The following NFKBIB variants were observed in gnomAD, a reference collection of about 807,000 sequenced individuals.
NFKBIB encodes the protein NFKB inhibitor beta.
A neutral mutation model predicts 32.1 loss-of-function variants in NFKBIB; 16 were observed. That is an observed-to-expected ratio of 0.50 (90% confidence interval 0.34 to 0.76). The LOEUF is 0.76. Among genes scored for constraint, NFKBIB ranks in the 30% least tolerant of loss-of-function variants. NFKBIB has a pLI of 0.01. For synonymous variants in NFKBIB, 222 were observed against 219.5 expected (o/e 1.01, Z -0.10); for missense variants, 437 against 514.9 (o/e 0.85, Z 1.46).
At chr19:38,899,853 C>A (rs893454259), upstream of NFKBIB, 6 of 740,620 alleles carry the variant, frequency 8.1e-6, no homozygotes, top group Admixed American at 1.7e-4. Flanking sequence ...GTAGTCCTCC[C>A]GAATACTCTG....
Position 38,905,685 on chromosome 19 carries a change from CAG to C in NFKBIB, c.619+151_619+152del. On this transcript the variant is annotated intron_variant, in intron 3 of 5. Coordinates refer to ENST00000313582, the MANE Select transcript of NFKBIB (RefSeq NM_002503.5). This position sits in a 1 kb window ranked among gnomAD's most constrained non-coding sequence, Gnocchi z 5.5. ...CACATCGGGACCAGGGACCTCCACT[CAG>C]GGCCCAGATGATTGAGAATTGGATA... The C allele has an allele frequency of 3.1e-6, 2 of 640,572 alleles. No individual in the cohort carries two copies. Among genetic ancestry groups the C allele is most frequent in the South Asian group, 4.0e-5 (2 of 49,830 alleles). 39.7% of individuals were successfully genotyped at this position (640,572 alleles called of 1,614,324 possible).
chr19:38,902,708 G>A (rs1035412251), intron 1 of NFKBIB, among the ~76,000 whole-genome samples: 2 of 152,190 alleles, frequency 1.3e-5, no homozygotes, highest in Non-Finnish European at 2.9e-5. Context: ...CTTTTGGAAC[G>A]CAAGCAAGCT....
intron 5 of NFKBIB, chr19:38,908,496 G>A (rs1305046339): frequency 8.4e-6 from 10 of 1,190,100 alleles, no homozygotes; most frequent in East Asian, 3.5e-5. Flanking sequence ...CCTAGATCAC[G>A]CCACTGCATT....
At chr19:38,900,469 A>T (rs1973914062) in intron 1 of NFKBIB, among the ~76,000 whole-genome samples, 1 of 152,166 alleles carries the variant, frequency 6.6e-6, no homozygotes, top group Non-Finnish European at 1.5e-5. Context: ...GTATCCACTG[A>T]TACCCAAACC....
chr19:38,904,006 G>T (rs1194604854), intron 1 of NFKBIB, among the ~76,000 whole-genome samples: 1 of 152,032 alleles, frequency 6.6e-6, no homozygotes, highest in Non-Finnish European at 1.5e-5. Flanking sequence ...GGAGGTGGAG[G>T]TTGCAGTGAG....
intron 5 of NFKBIB, 130 bp from the exon 6 acceptor site, chr19:38,908,601 G>C (rs184871548): frequency 7.2e-7 from 1 of 1,388,428 alleles, no homozygotes; most frequent in East Asian, 2.8e-5. Context: ...GAAACTGGGA[G>C]GTTGAGCCAG....
intron 5 of NFKBIB, 55 bp downstream of exon 5, chr19:38,907,714 AG>A: frequency 6.6e-7 from 1 of 1,509,484 alleles, no homozygotes; most frequent in East Asian, 2.4e-5. Context: ...ATAGACCGGC[AG>A]GCAAGAAGCC....
At chr19:38,902,361 C>T (rs925265991) in intron 1 of NFKBIB, among the ~76,000 whole-genome samples, 4 of 151,948 alleles carry the variant, frequency 2.6e-5, no homozygotes, top group African/African-American at 7.2e-5. Flanking sequence ...TGAGCCACCG[C>T]GCCCGGCCTC....
In NFKBIB at chr19:38,905,883, C is replaced by T. The variant is rs1448950562; in HGVS notation, c.619+348C>T. ...GGACCGGGGAATGCAGAGCTCAGGC[C>T]CTCTGTGAAACTCTGGCACCCCAGG... On this transcript the variant is annotated intron_variant, in intron 3 of 5. Transcript: ENST00000313582. The surrounding 1 kb of genome is among the most constrained non-coding windows in gnomAD (Gnocchi z 5.5). Among the ~76,000 whole-genome samples the T allele has an allele frequency of 1.3e-5, 2 of 152,130 alleles. No individual in the cohort carries two copies. The highest frequency in any genetic ancestry group is 3.9e-4 in the East Asian group (2 of 5,190).
At chr19:38,903,152 A>G (rs1974019336) in intron 1 of NFKBIB, among the ~76,000 whole-genome samples, 3 of 152,274 alleles carry the variant, frequency 2.0e-5, no homozygotes, top group African/African-American at 7.2e-5. Flanking sequence ...AGACTAAAAT[A>G]GTTATCTGGC....
intron 1 of NFKBIB, among the ~76,000 whole-genome samples, chr19:38,902,732 A>G (rs759443877): frequency 1.3e-5 from 2 of 152,224 alleles, no homozygotes; most frequent in Non-Finnish European, 2.9e-5. Flanking sequence ...TCATTTACAT[A>G]TTGTCAGTGG....
chr19:38,904,168 G>A (rs1317805079), intron 1 of NFKBIB, among the ~76,000 whole-genome samples: 1 of 152,126 alleles, frequency 6.6e-6, no homozygotes, highest in Admixed American at 6.6e-5. Context: ...AGTAGTTTGA[G>A]TCTTTCCAGT....
intron 5 of NFKBIB, 80 bp from the exon 6 acceptor site, chr19:38,908,651 T>C: frequency 2.0e-6 from 3 of 1,490,512 alleles, no homozygotes; most frequent in Non-Finnish European, 1.8e-6. Context: ...ACCTAATTCT[T>C]AGGGTGCTCT....
chr19:38,903,234 C>A (rs1306374116), intron 1 of NFKBIB, among the ~76,000 whole-genome samples: 4 of 152,042 alleles, frequency 2.6e-5, no homozygotes, highest in African/African-American at 7.2e-5. Context: ...TCATGGGCTA[C>A]CTTAAAGTGA....
intron 1 of NFKBIB, among the ~76,000 whole-genome samples, chr19:38,901,855 C>T (rs1474124092): frequency 6.6e-6 from 1 of 151,956 alleles, no homozygotes; most frequent in Non-Finnish European, 1.5e-5. Context: ...TGCTGGGTTA[C>T]AGGGATGAAC....
intron 5 of NFKBIB, 155 bp downstream of exon 5, chr19:38,907,814 C>T (rs1974191313): frequency 7.0e-7 from 1 of 1,437,486 alleles, no homozygotes; most frequent in Non-Finnish European, 9.2e-7. Context: ...CAGGAGAGAC[C>T]TGGACAGGGG....
Position 38,908,729 on chromosome 19 carries a change from A to G in NFKBIB, c.970-2A>G. ...CCTCTGCCTGGTCCCCTTTGCCCCC[A>G]GGATGAATACGACGACATTGTGGTT... On this transcript the variant is annotated splice_acceptor_variant, in intron 5 of 5. Transcript: ENST00000313582. LOFTEE classifies it high-confidence loss of function. 1 of 1,611,898 alleles carries G rather than the reference A, an allele frequency of 6.2e-7. No homozygotes were observed. Among genetic ancestry groups the G allele is most frequent in the Non-Finnish European group, 8.5e-7 (1 of 1,179,022 alleles).
At chr19:38,903,960 C>T (rs1341589272) in intron 1 of NFKBIB, among the ~76,000 whole-genome samples, 1 of 151,982 alleles carries the variant, frequency 6.6e-6, no homozygotes, top group African/African-American at 2.4e-5. Context: ...GTTCCGGCTA[C>T]TCGGGAGGCT....
chr19:38,903,726 C>T (rs929571192), intron 1 of NFKBIB, among the ~76,000 whole-genome samples: 7 of 152,194 alleles, frequency 4.6e-5, no homozygotes, highest in Admixed American at 2.6e-4. Flanking sequence ...TGGTTAGGTG[C>T]CAGACATTGT....
Sources: gnomAD v4.1 joint callset for allele counts (sites outside exome capture counted in the v4.1 genomes callset) on GRCh38, gnomAD v4.1.1 for gene constraint, Gnocchi (gnomAD v3.1) non-coding constraint, MANE v1.5 for transcripts, NCBI Gene and HGNC (gene_info 2026-07-23, HGNC 2026-07-21) for gene names.